Variants in TMEM114 observed in about 807,000 individuals in gnomAD.
TMEM114 encodes the protein transmembrane protein 114.
A neutral mutation model predicts 6.2 loss-of-function variants in TMEM114; 6 were observed. The ratio of observed to expected loss-of-function variants is 0.97; its 90% CI spans 0.53 to 1.91. The LOEUF (loss-of-function observed/expected upper bound fraction) is 1.91. Ranked by LOEUF, TMEM114 falls within the 40% of genes most tolerant of loss-of-function variation. The pLI is 0.01. For missense variants in TMEM114, 218 were observed against 158.3 expected (o/e 1.38, Z -2.02); for synonymous variants, 104 against 73.0 (o/e 1.42, Z -2.16).
chr16:8,588,258 G>T (rs1465205420), intron 2 of TMEM114, among the ~76,000 whole-genome samples: 2 of 147,378 alleles, frequency 1.4e-5, no homozygotes, highest in Admixed American at 1.4e-4. Flanking sequence ...CTGTACTCCA[G>T]CCTGGGCAAC....
chr16:8,564,507 A>AGTG (rs1567203761), downstream of TMEM114, among the ~76,000 whole-genome samples: 52 of 7,684 alleles, frequency 6.8e-3, 1 homozygote, highest in Middle Eastern at 0.062. Context: ...ATGAGTGAGT[A>AGTG]AATGAGTGAG....
chr16:8,553,336 T>A (rs1265142832), intron 2 of TMEM114, among the ~76,000 whole-genome samples: 2 of 152,144 alleles, frequency 1.3e-5, no homozygotes, highest in Non-Finnish European at 2.9e-5. Flanking sequence ...GCCAGAGAAG[T>A]CTTTCAGGAG....
chr16:8,564,503 G>GAGTGAGTGAATGAGTT (rs1207288432), downstream of TMEM114, among the ~76,000 whole-genome samples: 4 of 138,676 alleles, frequency 2.9e-5, no homozygotes, highest in African/African-American at 1.1e-4. Context: ...GTGAATGAGT[G>GAGTGAGTGAATGAGTT]AGTAAATGAG....
At chr16:8,566,446 G>A (rs1901548830), downstream of TMEM114, among the ~76,000 whole-genome samples, 1 of 146,818 alleles carries the variant, frequency 6.8e-6, no homozygotes, top group Admixed American at 6.9e-5. Flanking sequence ...GAAGAGAACA[G>A]ATCAGAATGG....
At chr16:8,566,196 G>A (rs1045597130), downstream of TMEM114, among the ~76,000 whole-genome samples, 2 of 151,990 alleles carry the variant, frequency 1.3e-5, no homozygotes, top group Non-Finnish European at 1.5e-5. Flanking sequence ...CTGTAAAACC[G>A]CATTTCTACT....
At chr16:8,577,612 C>A (rs1901986123) in intron 2 of TMEM114, among the ~76,000 whole-genome samples, 1 of 149,498 alleles carries the variant, frequency 6.7e-6, no homozygotes, top group African/African-American at 2.5e-5. Flanking sequence ...GAGATTGAGT[C>A]TCGCTCTGTC....
the TMEM114 span, among the ~76,000 whole-genome samples, chr16:8,527,937 T>G: frequency 6.6e-6 from 1 of 152,222 alleles, no homozygotes; most frequent in African/African-American, 2.4e-5. Context: ...AGACAAAGTC[T>G]CCCTGTGCTG....
In TMEM114 at chr16:8,538,312, C is replaced by G. The variant is rs892515095; in HGVS notation, n.213-486G>C. Among the ~76,000 whole-genome samples, 9 of 151,508 alleles carry G rather than the reference C, an allele frequency of 5.9e-5. No homozygotes were observed. In the South Asian group the frequency reaches 1.9e-3, roughly 32 times the overall value. On this transcript the variant is annotated intron_variant and non_coding_transcript_variant, in intron 2 of 2. Transcript: ENST00000623677. ...TCAAAAATAAAAAAAAAAAGACAGA[C>G]ATATTTGCTCTGGAGGGGAAGCCAA...
intron 2 of TMEM114, among the ~76,000 whole-genome samples, chr16:8,538,828 G>A (rs961433022): frequency 6.6e-6 from 1 of 152,006 alleles, no homozygotes; most frequent in African/African-American, 2.4e-5. Context: ...TTTTTATGTT[G>A]TATATACTTC....
At chr16:8,551,927 A>C (rs563012584) in intron 2 of TMEM114, among the ~76,000 whole-genome samples, 9 of 152,360 alleles carry the variant, frequency 5.9e-5, no homozygotes, top group African/African-American at 2.2e-4. Context: ...GAGCAAATGC[A>C]ACAAAGTGGA....
chr16:8,570,095 C>T, intron 3 of TMEM114, 90 bp from the exon 4 acceptor site: 1 of 1,448,988 alleles, frequency 6.9e-7, no homozygotes, highest in Non-Finnish European at 9.3e-7. Context: ...CCACGCTGCT[C>T]AGCGTCCAGC....
intron 2 of TMEM114, among the ~76,000 whole-genome samples, chr16:8,538,421 C>A (rs986067931): frequency 6.6e-6 from 1 of 151,984 alleles, no homozygotes; most frequent in African/African-American, 2.4e-5. Flanking sequence ...CATCGTGTTC[C>A]CTATTGTACC....
chr16:8,551,163 G>T (rs1900832110), intron 2 of TMEM114, among the ~76,000 whole-genome samples: 1 of 152,194 alleles, frequency 6.6e-6, no homozygotes. Flanking sequence ...CTAGAATTCT[G>T]GTTTTTACCA....
intron 2 of TMEM114, among the ~76,000 whole-genome samples, chr16:8,539,084 T>C (rs1246811369): frequency 6.6e-6 from 1 of 152,196 alleles, no homozygotes; most frequent in East Asian, 1.9e-4. Context: ...AGTTGCGATT[T>C]TTTTTAGTTA....
At chr16:8,548,027 G>A (rs4074767) in intron 2 of TMEM114, among the ~76,000 whole-genome samples, 61,219 of 151,958 alleles carry the variant, frequency 0.4, 12,629 homozygotes, top group Middle Eastern at 0.52. Flanking sequence ...ACATTTGGCC[G>A]GACTTTGTTA....
downstream of TMEM114, among the ~76,000 whole-genome samples, chr16:8,568,711 A>G (rs896412406): frequency 9.8e-5 from 15 of 152,298 alleles, no homozygotes; most frequent in African/African-American, 3.4e-4. Flanking sequence ...GCCCTCCCCT[A>G]CATCTCATGA....
intron 2 of TMEM114, among the ~76,000 whole-genome samples, chr16:8,550,402 C>T (rs1313206363): frequency 1.3e-5 from 2 of 152,096 alleles, no homozygotes; most frequent in East Asian, 1.9e-4. Flanking sequence ...CCCTCCTGGC[C>T]GGGTGCGGTG....
chr16:8,569,557 C>T lies in TMEM114; in HGVS notation c.*216G>A. 2 of 1,417,476 alleles carry T rather than the reference C, an allele frequency of 1.4e-6. No individual in the cohort carries two copies. The highest frequency in any genetic ancestry group is 2.5e-5 in the East Asian group (1 of 39,468). The allele number at this position is 1,417,476 out of a possible 1,614,324, so 87.8% of individuals were successfully genotyped here. On this transcript the variant is annotated 3_prime_UTR_variant, in exon 4 of 4. Coordinates refer to ENST00000620492, the MANE Select transcript of TMEM114 (RefSeq NM_001146336.2). ...AGCGGTTTGGCACTCCCTCGGGCTC[C>T]TCCAGGCCACACGGACACACACGGA...
chr16:8,589,181 G>T (rs913053177), intron 2 of TMEM114, 32 bp downstream of exon 2: 9 of 398,422 alleles, frequency 2.3e-5, no homozygotes, highest in Non-Finnish European at 4.0e-5. Context: ...GGACCGGGGC[G>T]CTCCCTCCAT....
Sources: gnomAD v4.1 joint callset for allele counts (sites outside exome capture counted in the v4.1 genomes callset) on GRCh38, gnomAD v4.1.1 for gene constraint, MANE v1.5 for transcripts, NCBI Gene and HGNC (gene_info 2026-07-23, HGNC 2026-07-21) for gene names.